CCDC178: variants seen among roughly 807,000 people sequenced by gnomAD.
CCDC178 encodes coiled-coil domain-containing protein 178.
CCDC178 carries 126 observed loss-of-function variants against 117.4 expected under a neutral mutation model. The ratio of observed to expected loss-of-function variants is 1.07; its 90% CI spans 0.93 to 1.24. CCDC178 has a LOEUF of 1.24. Ranked by LOEUF, CCDC178 falls within the 50% of genes most tolerant of loss-of-function variation. The pLI, the probability that CCDC178 is intolerant of heterozygous loss-of-function variation, is 0.00. For missense variants in CCDC178, 1,030 were observed against 986.9 expected, an observed-to-expected ratio of 1.04 and a Z score of -0.59; for synonymous variants, 283 against 313.4, an observed-to-expected ratio of 0.90 and a Z score of 1.02.
At chr18:33,365,075 A>G (rs1263225989) in intron 6 of CCDC178, among the ~76,000 whole-genome samples, 1 of 152,026 alleles carries the variant, frequency 6.6e-6, no homozygotes, top group Non-Finnish European at 1.5e-5. Context: ...ATGTTTAGAG[A>G]GATTAATTGA....
intron 21 of CCDC178, among the ~76,000 whole-genome samples, chr18:33,009,043 G>T (rs1200214424): frequency 1.3e-5 from 2 of 151,848 alleles, no homozygotes; most frequent in Non-Finnish European, 2.9e-5. Flanking sequence ...AATCATCCTG[G>T]TATCATTCTT....
intron 20 of CCDC178, among the ~76,000 whole-genome samples, chr18:33,123,615 G>A (rs2057965600): frequency 6.6e-6 from 1 of 152,044 alleles, no homozygotes; most frequent in African/African-American, 2.4e-5. Context: ...AATTGAACAT[G>A]GAAAAGACCA....
At chr18:33,318,031 C>T (rs1451852950) in intron 11 of CCDC178, among the ~76,000 whole-genome samples, 2 of 152,138 alleles carry the variant, frequency 1.3e-5, no homozygotes, top group Non-Finnish European at 2.9e-5. Flanking sequence ...AATGAAGCAG[C>T]ACTCTGGTTC....
chr18:33,397,101 T>A (rs2063648677), intron 4 of CCDC178, 48 bp downstream of exon 4: 1 of 1,198,688 alleles, frequency 8.3e-7, no homozygotes, highest in East Asian at 2.4e-5. Flanking sequence ...ACAATTAATA[T>A]GTGACAGAAA....
At chr18:32,943,113 C>T (rs998455552) in intron 22 of CCDC178, among the ~76,000 whole-genome samples, 5 of 152,124 alleles carry the variant, frequency 3.3e-5, no homozygotes, top group Admixed American at 6.6e-5. Context: ...GATGAGGTTG[C>T]CTTTCAGGGA....
intron 22 of CCDC178, among the ~76,000 whole-genome samples, chr18:32,957,535 T>C (rs1379903669): frequency 6.6e-6 from 1 of 151,946 alleles, no homozygotes; most frequent in East Asian, 1.9e-4. Flanking sequence ...CTAAAGTACA[T>C]GTTGTTAATA....
intron 20 of CCDC178, among the ~76,000 whole-genome samples, chr18:33,178,525 C>T (rs1350537107): frequency 6.6e-6 from 1 of 152,088 alleles, no homozygotes. Flanking sequence ...TATCCATTAG[C>T]ACCTTAAAAC....
chr18:32,969,956 G>A (rs1035785107), intron 22 of CCDC178, among the ~76,000 whole-genome samples: 8 of 152,010 alleles, frequency 5.3e-5, no homozygotes, highest in Non-Finnish European at 8.8e-5. Context: ...ATAGTACTTC[G>A]TAAGAGCTCT....
chr18:33,276,374 T>C (rs1478863734), intron 12 of CCDC178, among the ~76,000 whole-genome samples: 1 of 152,090 alleles, frequency 6.6e-6, no homozygotes, highest in Non-Finnish European at 1.5e-5. Context: ...AAACTTGAGA[T>C]ACTTACTAGA....
intron 21 of CCDC178, among the ~76,000 whole-genome samples, chr18:33,042,942 T>G (rs2056576090): frequency 6.6e-6 from 1 of 151,946 alleles, no homozygotes; most frequent in South Asian, 2.1e-4. Context: ...ACAGCTTATG[T>G]AGGACAACTG....
chr18:33,407,359 T>C (rs1202698823), intron 3 of CCDC178, among the ~76,000 whole-genome samples: 3 of 152,098 alleles, frequency 2.0e-5, no homozygotes, highest in Non-Finnish European at 4.4e-5. Flanking sequence ...ATTAGCGATC[T>C]AAGCAACCAA....
intron 11 of CCDC178, among the ~76,000 whole-genome samples, chr18:33,299,780 A>AT: frequency 6.6e-6 from 1 of 151,490 alleles, no homozygotes; most frequent in East Asian, 1.9e-4. Context: ...ACAGAAAAAA[A>AT]AAAAACACAA....
chr18:33,320,853 T>C (rs1322360449), intron 11 of CCDC178, among the ~76,000 whole-genome samples: 4 of 151,954 alleles, frequency 2.6e-5, no homozygotes, highest in Non-Finnish European at 5.9e-5. Flanking sequence ...TACAAGGCTA[T>C]AGTAACCAAA....
At chr18:32,986,404 A>G (rs1161588584) in intron 21 of CCDC178, among the ~76,000 whole-genome samples, 1 of 152,090 alleles carries the variant, frequency 6.6e-6, no homozygotes, top group East Asian at 1.9e-4. Flanking sequence ...TGTCTCTGGA[A>G]AAAAGCAATC....
At chr18:33,340,418 T>C (rs1438062777) in intron 9 of CCDC178, among the ~76,000 whole-genome samples, 3 of 152,148 alleles carry the variant, frequency 2.0e-5, no homozygotes, top group African/African-American at 7.2e-5. Flanking sequence ...AAAACCCATT[T>C]TTTGAGGATA....
At chr18:33,065,986 C>T (rs980939598) in intron 21 of CCDC178, among the ~76,000 whole-genome samples, 3 of 151,628 alleles carry the variant, frequency 2.0e-5, no homozygotes, top group African/African-American at 4.8e-5. Flanking sequence ...CTCAGCCCCC[C>T]GAGTAGCTGG....
chr18:33,000,155 A>G (rs982923684), intron 21 of CCDC178, among the ~76,000 whole-genome samples: 1 of 152,050 alleles, frequency 6.6e-6, no homozygotes, highest in African/African-American at 2.4e-5. Context: ...TGAAATAATT[A>G]AAAAGAACCA....
intron 11 of CCDC178, among the ~76,000 whole-genome samples, chr18:33,321,293 G>A (rs1368263782): frequency 6.6e-6 from 1 of 152,144 alleles, no homozygotes; most frequent in Non-Finnish European, 1.5e-5. Context: ...TACCATCAGA[G>A]TGAACAGGCA....
chr18:33,074,373 G>A (rs767832410), intron 21 of CCDC178, among the ~76,000 whole-genome samples: 9 of 151,916 alleles, frequency 5.9e-5, no homozygotes, highest in African/African-American at 9.7e-5. Flanking sequence ...AACTACTCCC[G>A]CGACTTCCAA....
Sources: gnomAD v4.1 joint callset for allele counts (sites outside exome capture counted in the v4.1 genomes callset) on GRCh38, gnomAD v4.1.1 for gene constraint, MANE v1.5 for transcripts, NCBI Gene and HGNC (gene_info 2026-07-23, HGNC 2026-07-21) for gene names.